CDK17: variants seen among roughly 807,000 people sequenced by gnomAD.
The protein encoded by CDK17 is cyclin-dependent kinase 17.
Under a neutral mutation model 77.6 loss-of-function variants are expected in CDK17, and 24 were observed. The observed-to-expected ratio is 0.31, with a 90% confidence interval of 0.22 to 0.44. The LOEUF (loss-of-function observed/expected upper bound fraction) is 0.44. CDK17 is among the 20% of genes least tolerant of loss of function. CDK17 has a pLI of 1.00. For missense variants in CDK17, 429 were observed against 622.5 expected (o/e 0.69, Z 3.31); for synonymous variants, 203 against 210.4 (o/e 0.96, Z 0.30).
chr12:96,283,478 G>T, intron 14 of CDK17, 125 bp downstream of exon 14: 1 of 670,408 alleles, frequency 1.5e-6, no homozygotes, highest in South Asian at 1.7e-5. Flanking sequence ...TTAAACATGT[G>T]CCTTAAGCAT....
At chr12:96,380,568 C>G (rs1026778799) in intron 1 of CDK17, among the ~76,000 whole-genome samples, 1 of 152,108 alleles carries the variant, frequency 6.6e-6, no homozygotes, top group Non-Finnish European at 1.5e-5. Flanking sequence ...GGATTACAGG[C>G]GTGAGACACT....
intron 1 of CDK17, among the ~76,000 whole-genome samples, chr12:96,348,390 G>A (rs1054704898): frequency 6.6e-6 from 1 of 151,818 alleles, no homozygotes; most frequent in Non-Finnish European, 1.5e-5. Context: ...TGGACGTCAA[G>A]GCAAGTACCT....
intron 5 of CDK17, among the ~76,000 whole-genome samples, chr12:96,305,722 C>A (rs76313973): frequency 0.14 from 21,054 of 151,728 alleles, 1,626 homozygotes; most frequent in South Asian, 0.28. Flanking sequence ...TAATGGCCAC[C>A]CCCTTTTTTT....
At chr12:96,350,583 T>C (rs1222119604) in intron 1 of CDK17, among the ~76,000 whole-genome samples, 1 of 152,182 alleles carries the variant, frequency 6.6e-6, no homozygotes, top group Non-Finnish European at 1.5e-5. Flanking sequence ...CTCTCACACC[T>C]GATTTTTGAC....
chr12:96,291,628 C>CTTTTTT (rs1164677307), intron 10 of CDK17, among the ~76,000 whole-genome samples: 15 of 117,762 alleles, frequency 1.3e-4, no homozygotes, highest in East Asian at 4.8e-4. Flanking sequence ...ATTCCTTTTG[C>CTTTTTT]TTTTTTTTTT....
At chr12:96,393,127 A>C (rs933609002) in intron 1 of CDK17, among the ~76,000 whole-genome samples, 1 of 148,808 alleles carries the variant, frequency 6.7e-6, no homozygotes. Flanking sequence ...CACTTTGGGA[A>C]GCTGAGGCGG....
At chr12:96,282,330 G>T in intron 15 of CDK17, 179 bp downstream of exon 15, 1 of 553,556 alleles carries the variant, frequency 1.8e-6, no homozygotes, top group East Asian at 2.9e-5. Flanking sequence ...AGTGTTACAA[G>T]AAATAACTGA....
chr12:96,391,582 C>T (rs746843274), intron 1 of CDK17, among the ~76,000 whole-genome samples: 6 of 152,130 alleles, frequency 3.9e-5, no homozygotes, highest in African/African-American at 7.2e-5. Flanking sequence ...TGAGCCACCG[C>T]GGCAGGCCAG....
intron 1 of CDK17, among the ~76,000 whole-genome samples, chr12:96,366,644 A>C (rs939776536): frequency 1.1e-4 from 17 of 152,166 alleles, no homozygotes; most frequent in African/African-American, 4.1e-4. Flanking sequence ...CTTTTTTATA[A>C]ATCAGTCAGA....
chr12:96,328,508 T>C (rs1269763214), intron 2 of CDK17, among the ~76,000 whole-genome samples: 2 of 152,072 alleles, frequency 1.3e-5, no homozygotes, highest in Non-Finnish European at 2.9e-5. Context: ...AAGTTATTTA[T>C]GTGGTAAAAA....
At chr12:96,341,547 A>AAC (rs1953123080) in intron 1 of CDK17, among the ~76,000 whole-genome samples, 3 of 152,250 alleles carry the variant, frequency 2.0e-5, no homozygotes, top group Non-Finnish European at 4.4e-5. Context: ...ACATAAAAGG[A>AAC]ACATGCAAAT....
intron 13 of CDK17, among the ~76,000 whole-genome samples, chr12:96,285,286 TA>T (rs1565802738): frequency 6.6e-6 from 1 of 152,216 alleles, no homozygotes; most frequent in Non-Finnish European, 1.5e-5. Context: ...ATAAATACTT[TA>T]AAAATATTTT....
At chr12:96,343,467 G>A (rs369236858) in intron 1 of CDK17, among the ~76,000 whole-genome samples, 2 of 152,370 alleles carry the variant, frequency 1.3e-5, no homozygotes, top group South Asian at 2.1e-4. Flanking sequence ...AGATCACTGA[G>A]AGACAGGCAC....
At chr12:96,355,188 C>CT (rs897377354) in intron 1 of CDK17, among the ~76,000 whole-genome samples, 7 of 151,790 alleles carry the variant, frequency 4.6e-5, no homozygotes, top group African/African-American at 1.2e-4. Context: ...GCAGCTGTCT[C>CT]TTTTTTTGCA....
chr12:96,377,600 T>G (rs371926786), intron 1 of CDK17, among the ~76,000 whole-genome samples: 1 of 151,780 alleles, frequency 6.6e-6, no homozygotes, highest in South Asian at 2.1e-4. Flanking sequence ...ATTCAGTTGC[T>G]GAGGTTATGG....
chr12:96,348,853 T>A (rs1024570755), intron 1 of CDK17, among the ~76,000 whole-genome samples: 1 of 152,184 alleles, frequency 6.6e-6, no homozygotes, highest in Non-Finnish European at 1.5e-5. Flanking sequence ...CAGGACCAGA[T>A]GACTTTACTG....
chr12:96,307,022 G>A (rs981777267), intron 5 of CDK17, among the ~76,000 whole-genome samples: 3 of 150,378 alleles, frequency 2.0e-5, no homozygotes, highest in Non-Finnish European at 3.0e-5. Flanking sequence ...CAGGCCAGGC[G>A]CAGGGGCTCA....
At chr12:96,351,720 G>C (rs1229889779) in intron 1 of CDK17, among the ~76,000 whole-genome samples, 1 of 152,098 alleles carries the variant, frequency 6.6e-6, no homozygotes, top group Admixed American at 6.6e-5. Flanking sequence ...CGTGTTAGCA[G>C]GCATTTATAT....
chr12:96,350,588 T>C (rs966410628), intron 1 of CDK17, among the ~76,000 whole-genome samples: 3 of 152,172 alleles, frequency 2.0e-5, no homozygotes, highest in African/African-American at 7.2e-5. Context: ...ACACCTGATT[T>C]TTGACAAAGG....
Sources: gnomAD v4.1 joint callset for allele counts (sites outside exome capture counted in the v4.1 genomes callset) on GRCh38, gnomAD v4.1.1 for gene constraint, MANE v1.5 for transcripts, NCBI Gene and HGNC (gene_info 2026-07-23, HGNC 2026-07-21) for gene names.